EPHA7: variants seen among roughly 807,000 people sequenced by gnomAD.
EPHA7 encodes the protein EPH receptor A7.
In EPHA7, 25 loss-of-function variants were observed where a neutral mutation model predicts 112.6. The observed-to-expected ratio is 0.22, with a 90% CI of 0.16 to 0.31. The LOEUF (loss-of-function observed/expected upper bound fraction) is 0.31, where lower values mean the gene tolerates loss of function less well. Ranked by LOEUF, EPHA7 falls within the 10% of genes least tolerant of loss-of-function variation. The probability of loss-of-function intolerance (pLI) is 1.00; values close to 1 mark genes in which losing one functional copy is unlikely to be tolerated. For synonymous variants in EPHA7, 437 were observed against 406.5 expected, an observed-to-expected ratio of 1.07 and a Z score of -0.90; for missense variants, 962 against 1,212.6, an observed-to-expected ratio of 0.79 and a Z score of 3.07.
At chr6:93,261,758 C>G (rs755867937) in intron 9 of EPHA7, among the ~76,000 whole-genome samples, 1 of 151,462 alleles carries the variant, frequency 6.6e-6, no homozygotes, top group Non-Finnish European at 1.5e-5. Flanking sequence ...ACTTTATATA[C>G]AGCAAGTTTA....
At chr6:93,289,165 T>A (rs764525637) in intron 5 of EPHA7, among the ~76,000 whole-genome samples, 3 of 152,202 alleles carry the variant, frequency 2.0e-5, no homozygotes, top group Non-Finnish European at 4.4e-5. Context: ...TGTAAAATTG[T>A]ACACACACCT....
At chr6:93,294,121 G>T (rs1196397503) in intron 5 of EPHA7, among the ~76,000 whole-genome samples, 1 of 152,138 alleles carries the variant, frequency 6.6e-6, no homozygotes, top group Admixed American at 6.6e-5. Flanking sequence ...AAGCTGGCTT[G>T]CTGTAATTGA....
intron 5 of EPHA7, among the ~76,000 whole-genome samples, chr6:93,337,318 T>C: frequency 6.6e-6 from 1 of 152,196 alleles, no homozygotes; most frequent in East Asian, 1.9e-4. Context: ...TAAGTGAATG[T>C]CTTTACACAC....
chr6:93,284,219 C>G (rs1173872312), intron 5 of EPHA7, among the ~76,000 whole-genome samples: 1 of 152,016 alleles, frequency 6.6e-6, no homozygotes, highest in African/African-American at 2.4e-5. Flanking sequence ...GTTTTCCAGG[C>G]CTAAAACCCA....
At chr6:93,293,696 G>A (rs773181310) in intron 5 of EPHA7, among the ~76,000 whole-genome samples, 3 of 152,090 alleles carry the variant, frequency 2.0e-5, no homozygotes, top group Admixed American at 6.5e-5. Context: ...ATGCTAACTC[G>A]ATACTTACAA....
Position 93,263,910 on chromosome 6 carries a change from C to T in EPHA7, c.1748G>A (p.Cys583Tyr). Reference sequence around the variant, plus strand: ...TTCTTGGTCAGCTTTGCTATAACCACAGTGCCTTGAAGAAAGCAAATTTGT... The same window carrying T: ...TTCTTGGTCAGCTTTGCTATAACCATAGTGCCTTGAAGAAAGCAAATTTGT... ...VFGFIIGRRHCGYSKADQEGD... is the reference protein window; with the variant it reads ...VFGFIIGRRHYGYSKADQEGD... Residue 583 changes from cysteine (C) to tyrosine (Y), a missense_variant, in exon 9 of 17, where the codon TGT becomes TAT. Around this residue, in one of 3 missense-constraint regions of EPHA7, gnomAD observed 746 missense variants for 889.2 expected, o/e 0.84. Coordinates refer to ENST00000369303, the MANE Select transcript of EPHA7 (RefSeq NM_004440.4). 2 of 1,609,160 alleles carry T rather than the reference C, an allele frequency of 1.2e-6. No homozygotes were observed. The highest frequency in any genetic ancestry group is 1.7e-6 in the Non-Finnish European group (2 of 1,176,890).
At chr6:93,291,685 G>A (rs1772380663) in intron 5 of EPHA7, among the ~76,000 whole-genome samples, 3 of 146,266 alleles carry the variant, frequency 2.1e-5, no homozygotes, top group South Asian at 4.4e-4. Context: ...GGAGAATGGC[G>A]TGAACCCGGG....
At chr6:93,286,072 C>G (rs9342359) in intron 5 of EPHA7, among the ~76,000 whole-genome samples, 1 of 152,138 alleles carries the variant, frequency 6.6e-6, no homozygotes, top group South Asian at 2.1e-4. Context: ...TTGCCTTTCT[C>G]TGAGTTACAG....
intron 5 of EPHA7, among the ~76,000 whole-genome samples, chr6:93,310,969 A>AT (rs569060852): frequency 1.7e-4 from 25 of 150,058 alleles, no homozygotes; most frequent in Admixed American, 4.0e-4. Context: ...GTGATGCTGT[A>AT]TTTTTTTTTG....
intron 14 of EPHA7, among the ~76,000 whole-genome samples, chr6:93,250,774 T>C (rs1404978887): frequency 6.6e-6 from 1 of 152,146 alleles, no homozygotes; most frequent in Admixed American, 6.6e-5. Context: ...TTTGCCTTAG[T>C]ATTCTAATAA....
In EPHA7 at chr6:93,419,227, G is replaced by T. The variant is rs375717710; in HGVS notation, c.97+18C>A. The T allele has an allele frequency of 1.9e-6, 3 of 1,601,524 alleles. No individual in the cohort carries two copies. Among genetic ancestry groups the T allele is most frequent in the Non-Finnish European group, 1.7e-6 (2 of 1,169,640 alleles). On this transcript the variant is annotated intron_variant, in intron 1 of 16. Transcript: ENST00000369303. ...AAATAAATAAGTCAGAACAAACTTT[G>T]CTTTCCCATCACCTTACCTTCCTTC...
chr6:93,240,787 C>T lies in EPHA7; in HGVS notation c.*2639G>A. The T allele has an allele frequency of 4.7e-6, 1 of 212,314 alleles. No individual in the cohort carries two copies. Among genetic ancestry groups the T allele is most frequent in the Non-Finnish European group, 9.5e-6 (1 of 104,774 alleles). 13.2% of individuals were successfully genotyped at this position (212,314 alleles called of 1,614,324 possible). ...CAAGGTGCAAGTTGTACATTCTTAT[C>T]GTTATACCATCTCATCTCTTTCTGG... On this transcript the variant is annotated 3_prime_UTR_variant, in exon 17 of 17. Transcript: ENST00000369303.
At chr6:93,314,656 A>T (rs1050710451) in intron 5 of EPHA7, among the ~76,000 whole-genome samples, 3 of 152,126 alleles carry the variant, frequency 2.0e-5, no homozygotes, top group Non-Finnish European at 4.4e-5. Flanking sequence ...GTGGGAATAT[A>T]AAAAAATCAA....
At chr6:93,407,161 T>C (rs1446301568) in intron 3 of EPHA7, among the ~76,000 whole-genome samples, 1 of 151,924 alleles carries the variant, frequency 6.6e-6, no homozygotes, top group Non-Finnish European at 1.5e-5. Flanking sequence ...TACAATCAGT[T>C]TTTTATAGTT....
chr6:93,261,252 G>A (rs559012222), intron 9 of EPHA7, among the ~76,000 whole-genome samples: 1 of 151,640 alleles, frequency 6.6e-6, no homozygotes, highest in Admixed American at 6.6e-5. Flanking sequence ...AAAGTTGAGG[G>A]TGCCTGATAC....
chr6:93,292,686 A>G (rs1452284694), intron 5 of EPHA7, among the ~76,000 whole-genome samples: 1 of 152,188 alleles, frequency 6.6e-6, no homozygotes, highest in African/African-American at 2.4e-5. Flanking sequence ...GTTACTTTAC[A>G]CTAACAATAA....
At chr6:93,393,570 A>AT (rs1324326729) in intron 3 of EPHA7, among the ~76,000 whole-genome samples, 1 of 151,808 alleles carries the variant, frequency 6.6e-6, no homozygotes, top group East Asian at 1.9e-4. Context: ...TGATTAACAT[A>AT]TTTTTTAAAA....
At chr6:93,317,783 C>T (rs1773883108) in intron 5 of EPHA7, among the ~76,000 whole-genome samples, 1 of 152,114 alleles carries the variant, frequency 6.6e-6, no homozygotes, top group South Asian at 2.1e-4. Context: ...CTAGCACCTA[C>T]AATATGTGAA....
intron 5 of EPHA7, among the ~76,000 whole-genome samples, chr6:93,342,362 A>T (rs1219725585): frequency 2.0e-5 from 3 of 151,850 alleles, no homozygotes; most frequent in African/African-American, 7.2e-5. Flanking sequence ...CATTAGGACC[A>T]TAGTTACAAA....
Sources: gnomAD v4.1 joint callset for allele counts (sites outside exome capture counted in the v4.1 genomes callset) on GRCh38, gnomAD v4.1.1 for gene constraint, gnomAD v4.1.1 regional missense constraint, MANE v1.5 for transcripts, NCBI Gene and HGNC (gene_info 2026-07-23, HGNC 2026-07-21) for gene names.